UBE2D4: variants seen among roughly 807,000 people sequenced by gnomAD.
UBE2D4 encodes the protein ubiquitin-conjugating enzyme E2 D4.
Under a neutral mutation model 23.0 loss-of-function variants are expected in UBE2D4, and 17 were observed. That is an observed-to-expected ratio of 0.74 (90% confidence interval 0.51 to 1.11). The LOEUF (loss-of-function observed/expected upper bound fraction) is 1.11. UBE2D4 is among the 50% of genes least tolerant of loss of function. UBE2D4 has a pLI of 0.00. For missense variants in UBE2D4, 139 were observed against 181.8 expected, an observed-to-expected ratio of 0.76 and a Z score of 1.35; for synonymous variants, 61 against 69.4, an observed-to-expected ratio of 0.88 and a Z score of 0.60.
rs2095999702 is a variant in UBE2D4, at chr7:43,950,475, T to C, written c.305-124T>C. ...CAAGTGGTGCATCAAGCAATTTAGA[T>C]TGGGCTGTTGAAGGGAAGACAACTG... On this transcript the variant is annotated intron_variant, in intron 5 of 6. Coordinates refer to ENST00000222402, the MANE Select transcript of UBE2D4 (RefSeq NM_015983.4). The C allele has an allele frequency of 2.1e-5, 15 of 717,870 alleles. No individual in the cohort carries two copies. The South Asian group carries it at 2.3e-4, about 11-fold the overall frequency. 44.5% of individuals were successfully genotyped at this position (717,870 alleles called of 1,614,324 possible). A position where few individuals can be genotyped will look rare whatever the true frequency, so the allele number is the denominator to read the frequency against.
intron 1 of UBE2D4, among the ~76,000 whole-genome samples, chr7:43,929,898 C>A (rs1298060639): frequency 6.6e-6 from 1 of 152,152 alleles, no homozygotes; most frequent in Non-Finnish European, 1.5e-5. Context: ...TGGGCCACCA[C>A]TAGTTAGGAT....
chr7:43,928,419 CTCT>C (rs2095938042), intron 1 of UBE2D4, among the ~76,000 whole-genome samples: 1 of 120,758 alleles, frequency 8.3e-6, no homozygotes, highest in South Asian at 3.5e-4. Context: ...GAGAGTATGA[CTCT>C]TTTTTTTTTT....
chr7:43,940,831 C>T (rs939528118), intron 2 of UBE2D4: 2 of 151,946 alleles, frequency 1.3e-5, no homozygotes, highest in Non-Finnish European at 2.9e-5. Context: ...TAATGTTAGG[C>T]AAAATATGTC....
intron 1 of UBE2D4, among the ~76,000 whole-genome samples, chr7:43,937,234 A>AG (rs1354948277): frequency 1.3e-5 from 2 of 152,214 alleles, no homozygotes; most frequent in Non-Finnish European, 2.9e-5. Flanking sequence ...TTGCCTTAGC[A>AG]GTTCTGTCAT....
chr7:43,945,455 G>A (rs948192726), intron 4 of UBE2D4, among the ~76,000 whole-genome samples: 9 of 152,136 alleles, frequency 5.9e-5, no homozygotes, highest in Admixed American at 4.6e-4. Context: ...CAGGAGCAAC[G>A]ATTTATGTTT....
chr7:43,932,390 C>T (rs541249735), intron 1 of UBE2D4, among the ~76,000 whole-genome samples: 3 of 152,322 alleles, frequency 2.0e-5, no homozygotes, highest in Admixed American at 6.5e-5. Context: ...CCACCCTCAA[C>T]GTTGGAGATT....
intron 1 of UBE2D4, among the ~76,000 whole-genome samples, chr7:43,935,904 G>A (rs1314448510): frequency 2.0e-5 from 3 of 152,126 alleles, no homozygotes; most frequent in Non-Finnish European, 4.4e-5. Context: ...AGTGTTCTGC[G>A]AAACTGTTGG....
chr7:43,953,259 T>C lies in UBE2D4; in HGVS notation c.*564T>C, dbSNP rs1215049082. On this transcript the variant is annotated 3_prime_UTR_variant, in exon 7 of 7. Coordinates refer to ENST00000222402, the MANE Select transcript of UBE2D4 (RefSeq NM_015983.4). ...GGCCTAGCCCTGTGGCTTCCACCAGTCTCCTCCTGCAGTGCCACGTGGTGG... is the reference window on the plus strand; with the variant it reads ...GGCCTAGCCCTGTGGCTTCCACCAGCCTCCTCCTGCAGTGCCACGTGGTGG... 2.2e-6 allele frequency: 1 copy of C among 454,386 alleles called. No individual in the cohort carries two copies. Among genetic ancestry groups the C allele is most frequent in the Non-Finnish European group, 4.4e-6 (1 of 226,244 alleles). The allele number at this position is 454,386 out of a possible 1,614,324, so 28.1% of individuals were successfully genotyped here. A position where few individuals can be genotyped will look rare whatever the true frequency, so the allele number is the denominator to read the frequency against.
At chr7:43,943,614 T>C (rs1379961298) in intron 4 of UBE2D4, 1 of 156,458 alleles carries the variant, frequency 6.4e-6, no homozygotes, top group Non-Finnish European at 1.4e-5. Context: ...CACTTTTCTT[T>C]ATTAAGTTAA....
At chr7:43,927,193 C>T (rs1585848572) in intron 1 of UBE2D4, among the ~76,000 whole-genome samples, 1 of 152,074 alleles carries the variant, frequency 6.6e-6, no homozygotes, top group East Asian at 1.9e-4. Flanking sequence ...TTTTAGCATA[C>T]CTACCTTCAG....
intron 1 of UBE2D4, among the ~76,000 whole-genome samples, chr7:43,930,021 C>T (rs113600638): frequency 6.6e-5 from 10 of 152,314 alleles, no homozygotes; most frequent in African/African-American, 1.4e-4. Context: ...TCCTGTGTCA[C>T]TCTGGGCTGA....
intron 1 of UBE2D4, among the ~76,000 whole-genome samples, chr7:43,932,347 G>C (rs1254388442): frequency 6.6e-6 from 1 of 152,182 alleles, no homozygotes; most frequent in Non-Finnish European, 1.5e-5. Flanking sequence ...ATACCAAGTG[G>C]ATTGTACTAA....
intron 1 of UBE2D4, among the ~76,000 whole-genome samples, chr7:43,935,141 T>C (rs1331027872): frequency 2.0e-5 from 3 of 152,184 alleles, no homozygotes; most frequent in South Asian, 2.1e-4. Context: ...TTATGTACAT[T>C]GTTTCACTTG....
In UBE2D4 at chr7:43,933,013, TACACACAC is replaced by T. The variant is rs1246837914; in HGVS notation, c.25-5416_25-5409del. Reference sequence around the variant, plus strand: ...ATATATATATATATATATATATATATACACACACATATATATACACATATGTATGTGTG... The same window carrying T: ...ATATATATATATATATATATATATATATATATATACACATATGTATGTGTG... On this transcript the variant is annotated intron_variant, in intron 1 of 6. Transcript: ENST00000222402. 9.6e-4 allele frequency among the ~76,000 whole-genome samples: 111 copies of T among 116,188 alleles called. 1 individual carries two copies. The highest frequency in any genetic ancestry group is 2.0e-3 in the African/African-American group (60 of 29,384). The allele number at this position is 116,188 out of a possible 152,430, so 76.2% of individuals were successfully genotyped here. A position where few individuals can be genotyped will look rare whatever the true frequency, so the allele number is the denominator to read the frequency against.
rs1048677172 is a variant in UBE2D4 at position 43,934,380 on chromosome 7, G to A, written c.25-4051G>A. Reference sequence around the variant, plus strand: ...ATATTGTGTAGACATCAATGACTCAGTGTTGGGCTCTGAATGGGAAGAAAC... The same window carrying A: ...ATATTGTGTAGACATCAATGACTCAATGTTGGGCTCTGAATGGGAAGAAAC... On this transcript the variant is annotated intron_variant, in intron 1 of 6. Coordinates refer to ENST00000222402, the MANE Select transcript of UBE2D4 (RefSeq NM_015983.4). Among the ~76,000 whole-genome samples the A allele has an allele frequency of 1.1e-4, 17 of 151,948 alleles. No homozygotes were observed. The South Asian group carries it at 3.1e-3, about 28-fold the overall frequency.
At chr7:43,949,179 A>G (rs1322783253) in intron 5 of UBE2D4, 3 of 218,802 alleles carry the variant, frequency 1.4e-5, no homozygotes, top group East Asian at 1.9e-4. Flanking sequence ...CCTTCCCAAA[A>G]TAAATGATGT....
At chr7:43,934,593 G>A (rs879493247) in intron 1 of UBE2D4, among the ~76,000 whole-genome samples, 3 of 150,770 alleles carry the variant, frequency 2.0e-5, no homozygotes, top group South Asian at 4.2e-4. Context: ...TCACACAGGC[G>A]CAGTCTTGGC....
At chr7:43,952,075 A>G (rs149267384) in intron 6 of UBE2D4, 56 of 153,374 alleles carry the variant, frequency 3.7e-4, no homozygotes, top group Non-Finnish European at 5.2e-4. Flanking sequence ...ACACACCTGC[A>G]TAGTCTTCAA....
intron 4 of UBE2D4, among the ~76,000 whole-genome samples, chr7:43,945,235 C>T (rs956224660): frequency 4.6e-5 from 7 of 152,124 alleles, no homozygotes; most frequent in African/African-American, 1.2e-4. Flanking sequence ...TCAGGTGATC[C>T]GCCCACCACG....
Sources: gnomAD v4.1 joint callset for allele counts (sites outside exome capture counted in the v4.1 genomes callset) on GRCh38, gnomAD v4.1.1 for gene constraint, MANE v1.5 for transcripts, NCBI Gene and HGNC (gene_info 2026-07-23, HGNC 2026-07-21) for gene names.